Variants in TCF12 observed in about 807,000 individuals in gnomAD.
TCF12 encodes DNA-binding protein HTF4.
A neutral mutation model predicts 86.0 loss-of-function variants in TCF12; 45 were observed. The ratio of observed to expected loss-of-function variants is 0.52; its 90% confidence interval spans 0.41 to 0.67. The LOEUF (loss-of-function observed/expected upper bound fraction) is 0.67, where lower values mean the gene tolerates loss of function less well. TCF12 is among the 30% of genes least tolerant of loss of function. The pLI, the probability that TCF12 is intolerant of heterozygous loss-of-function variation, is 0.00. For missense variants in TCF12, 881 were observed against 859.9 expected, an observed-to-expected ratio of 1.02 and a Z score of -0.31; for synonymous variants, 330 against 299.6, an observed-to-expected ratio of 1.10 and a Z score of -1.05.
intron 4 of TCF12, chr15:57,072,509 A>G (rs1447279682): frequency 6.3e-6 from 2 of 319,680 alleles, no homozygotes; most frequent in Non-Finnish European, 1.0e-5. Context: ...TAGTGTAGAT[A>G]TTTTCTCAAA....
At chr15:57,118,214 A>T (rs2050975965) in intron 5 of TCF12, 1 of 152,250 alleles carries the variant, frequency 6.6e-6, no homozygotes, top group Non-Finnish European at 1.5e-5. Flanking sequence ...AGTGATATAC[A>T]GCAAACGTCA....
upstream of TCF12, chr15:56,918,468 A>C (rs1298474261): frequency 1.2e-5 from 4 of 328,306 alleles, no homozygotes; most frequent in South Asian, 4.3e-5. Context: ...ACCGGCCCCA[A>C]CTCCGTCCCG....
intron 13 of TCF12, chr15:57,247,263 C>T: frequency 1.5e-6 from 1 of 649,384 alleles, no homozygotes; most frequent in Non-Finnish European, 2.8e-6. Context: ...TTATATCCGC[C>T]ATCACCTCCT....
intron 3 of TCF12, among the ~76,000 whole-genome samples, chr15:56,946,356 C>A (rs1353461352): frequency 2.0e-5 from 3 of 152,180 alleles, no homozygotes; most frequent in Admixed American, 1.3e-4. Context: ...ATCTTTTCTT[C>A]TGCAGTGTCT....
chr15:56,923,724 T>G (rs1398978668), intron 3 of TCF12, among the ~76,000 whole-genome samples: 1 of 152,152 alleles, frequency 6.6e-6, no homozygotes, highest in Non-Finnish European at 1.5e-5. Context: ...TGGGTTAGTT[T>G]TTAGTAGATT....
At chr15:57,219,492 G>C (rs2058479598) in intron 8 of TCF12, 1 of 1,606,004 alleles carries the variant, frequency 6.2e-7, no homozygotes, top group South Asian at 1.1e-5. Flanking sequence ...GTGTGCATTA[G>C]CTACAAATAG....
intron 5 of TCF12, among the ~76,000 whole-genome samples, chr15:57,142,717 T>G (rs187493373): frequency 1.2e-3 from 185 of 152,324 alleles, no homozygotes; most frequent in African/African-American, 4.3e-3. Context: ...TTGAGGAGCC[T>G]TAGCAGACAC....
intron 18 of TCF12, among the ~76,000 whole-genome samples, chr15:57,268,831 TTC>T (rs1185897739): frequency 2.3e-4 from 5 of 21,432 alleles, no homozygotes; most frequent in Non-Finnish European, 1.9e-3. Context: ...CACTGTTTAC[TTC>T]TTTTTTTTTT....
At chr15:57,104,685 A>G (rs1387908643) in intron 5 of TCF12, among the ~76,000 whole-genome samples, 1 of 151,082 alleles carries the variant, frequency 6.6e-6, no homozygotes, top group Admixed American at 6.6e-5. Flanking sequence ...ATCTGATGGC[A>G]TTGGCTTGCC....
At chr15:56,989,771 G>T (rs1281601611) in intron 3 of TCF12, among the ~76,000 whole-genome samples, 2 of 152,130 alleles carry the variant, frequency 1.3e-5, no homozygotes, top group African/African-American at 4.8e-5. Context: ...TGAACTTGAT[G>T]CACCCTCTTC....
At chr15:57,238,252 A>G (rs1221172375) in intron 12 of TCF12, among the ~76,000 whole-genome samples, 4 of 151,942 alleles carry the variant, frequency 2.6e-5, no homozygotes, top group African/African-American at 9.7e-5. Context: ...GCATTGGGGC[A>G]TTTCACCAAG....
chr15:56,950,983 C>T (rs1351167329), intron 3 of TCF12, among the ~76,000 whole-genome samples: 3 of 150,288 alleles, frequency 2.0e-5, no homozygotes, highest in Admixed American at 6.6e-5. Flanking sequence ...CTTGAACTCC[C>T]GACCTTAGGT....
chr15:57,029,192 T>C (rs182640251), intron 3 of TCF12, among the ~76,000 whole-genome samples: 8 of 152,284 alleles, frequency 5.3e-5, no homozygotes, highest in Admixed American at 5.2e-4. Context: ...CACTACATAA[T>C]TGGTTGTTCC....
At chr15:57,023,913 G>A (rs182512138) in intron 3 of TCF12, among the ~76,000 whole-genome samples, 11 of 152,184 alleles carry the variant, frequency 7.2e-5, no homozygotes, top group African/African-American at 2.4e-4. Flanking sequence ...CATAAGGATC[G>A]TGCAACCTAA....
Position 57,243,812 on chromosome 15 carries a change from A to G in TCF12, c.1114+262A>G, listed in dbSNP as rs191724433. Among the ~76,000 whole-genome samples the G allele has an allele frequency of 3.9e-5, 6 of 152,344 alleles. No individual in the cohort carries two copies. In the East Asian group the frequency reaches 1.2e-3, roughly 29 times the overall value. Reference sequence around the variant, plus strand: ...TTCTAAGAACAGTAGTTACAACAGGATAAAAATAAGACCAGGCAATTGGAA... The same window carrying G: ...TTCTAAGAACAGTAGTTACAACAGGGTAAAAATAAGACCAGGCAATTGGAA... On this transcript the variant is annotated intron_variant, in intron 13 of 20. Transcript: ENST00000333725.
Position 57,091,783 on chromosome 15 carries a change from C to G in TCF12, c.223-6C>G. 6.2e-7 allele frequency: 1 copy of G among 1,610,556 alleles called. No homozygotes were observed. Among genetic ancestry groups the G allele is most frequent in the Non-Finnish European group, 8.5e-7 (1 of 1,177,084 alleles). On this transcript the variant is annotated splice_polypyrimidine_tract_variant and splice_region_variant and intron_variant, in intron 4 of 20. Coordinates refer to ENST00000333725, the MANE Select transcript of TCF12 (RefSeq NM_207037.2). ...CTTTAATACTCTGATCTTTTTCTCCCCCTAGGGTTTTACAGACAGCCCTCA... is the reference window on the plus strand; with the variant it reads ...CTTTAATACTCTGATCTTTTTCTCCGCCTAGGGTTTTACAGACAGCCCTCA...
chr15:57,270,071 T>G (rs1210855151), intron 18 of TCF12, among the ~76,000 whole-genome samples: 1 of 152,198 alleles, frequency 6.6e-6, no homozygotes, highest in South Asian at 2.1e-4. Flanking sequence ...CTTTGTGGTG[T>G]TCTCTGTATT....
rs796972933 is a variant in TCF12 at position 56,940,583 on chromosome 15, TCTC to T, written c.148+19500_148+19502del. Among the ~76,000 whole-genome samples the T allele has an allele frequency of 1.5e-3, 218 of 143,720 alleles. 1 individual carries two copies. Among genetic ancestry groups the T allele is most frequent in the African/African-American group, 4.3e-3 (167 of 38,444 alleles). The allele number at this position is 143,720 out of a possible 152,430, so 94.3% of individuals were successfully genotyped here. A position where few individuals can be genotyped will look rare whatever the true frequency, so the allele number is the denominator to read the frequency against. On this transcript the variant is annotated intron_variant, in intron 3 of 20. Coordinates refer to ENST00000333725, the MANE Select transcript of TCF12 (RefSeq NM_207037.2). ...CTCTTCCTCTTCTTCTTCTTCTCCT[TCTC>T]CTCCTCCTCCTCCTTCTCCTCCTTC...
In TCF12 at chr15:57,254,498, C is replaced by T. The variant is rs540172719; in HGVS notation, c.1467+1030C>T. Among the ~76,000 whole-genome samples the T allele has an allele frequency of 2.0e-4, 31 of 152,138 alleles. No individual in the cohort carries two copies. In the South Asian group the frequency reaches 6.0e-3, roughly 30 times the overall value. ...ATGTCAGGAAATCTTGAAAATCAGT[C>T]TCCTTTTAAAGTACTTTTTATTGCT... is the stretch of plus-strand genomic sequence containing the variant. On this transcript the variant is annotated intron_variant, in intron 16 of 20. Coordinates refer to ENST00000333725, the MANE Select transcript of TCF12 (RefSeq NM_207037.2).
Sources: gnomAD v4.1 joint callset for allele counts (sites outside exome capture counted in the v4.1 genomes callset) on GRCh38, gnomAD v4.1.1 for gene constraint, MANE v1.5 for transcripts, NCBI Gene and HGNC (gene_info 2026-07-23, HGNC 2026-07-21) for gene names.